Variants in PHACTR1 observed in about 807,000 individuals in gnomAD.
PHACTR1 encodes phosphatase and actin regulator 1.
In PHACTR1, 16 loss-of-function variants were observed where a neutral mutation model predicts 69.2. That is an observed-to-expected ratio of 0.23 (90% CI 0.16 to 0.35). PHACTR1 has a LOEUF of 0.35. Among genes scored for constraint, PHACTR1 ranks in the 10% least tolerant of loss-of-function variants. The pLI is 1.00. For synonymous variants in PHACTR1, 312 were observed against 284.5 expected (o/e 1.10, Z -0.97); for missense variants, 510 against 734.7 (o/e 0.69, Z 3.54).
At chr6:13,255,622 G>A (rs57618556) in intron 10 of PHACTR1, among the ~76,000 whole-genome samples, 2,203 of 152,298 alleles carry the variant, frequency 0.014, 45 homozygotes, top group African/African-American at 0.049. Context: ...TTCAAAAAGG[G>A]AGATATCAGC....
At chr6:12,945,211 C>G (rs1022751881) in intron 4 of PHACTR1, among the ~76,000 whole-genome samples, 1 of 152,128 alleles carries the variant, frequency 6.6e-6, no homozygotes, top group Non-Finnish European at 1.5e-5. Flanking sequence ...TTTTAGGTCC[C>G]CATATAAAAC....
At chr6:13,141,385 A>G (rs564922870) in intron 5 of PHACTR1, among the ~76,000 whole-genome samples, 3 of 152,366 alleles carry the variant, frequency 2.0e-5, no homozygotes, top group African/African-American at 7.2e-5. Context: ...GACTCAAACA[A>G]ATGAAAGAAA....
chr6:12,985,287 TC>T (rs1160733874), intron 4 of PHACTR1, among the ~76,000 whole-genome samples: 2 of 151,872 alleles, frequency 1.3e-5, no homozygotes, highest in African/African-American at 4.8e-5. Context: ...AAGCCTAAGG[TC>T]TTACTCCAAT....
intron 6 of PHACTR1, among the ~76,000 whole-genome samples, chr6:13,176,218 A>T (rs1424152091): frequency 6.6e-6 from 1 of 152,230 alleles, no homozygotes; most frequent in African/African-American, 2.4e-5. Context: ...GGGGAAAAAA[A>T]GTGAATGATC....
intron 4 of PHACTR1, among the ~76,000 whole-genome samples, chr6:12,945,608 G>A (rs912685001): frequency 9.9e-5 from 15 of 152,150 alleles, no homozygotes; most frequent in African/African-American, 3.4e-4. Context: ...TGGTGTTTAG[G>A]AAACACTGGG....
intron 4 of PHACTR1, among the ~76,000 whole-genome samples, chr6:12,965,314 T>C (rs966875373): frequency 6.6e-6 from 1 of 152,314 alleles, no homozygotes; most frequent in Admixed American, 6.5e-5. Flanking sequence ...AAATCAGTCC[T>C]TGTGGCGTTT....
At chr6:13,092,251 AC>A (rs1274852209) in intron 5 of PHACTR1, among the ~76,000 whole-genome samples, 3 of 152,212 alleles carry the variant, frequency 2.0e-5, no homozygotes, top group Non-Finnish European at 4.4e-5. Flanking sequence ...CTAACAGGCC[AC>A]AGACCAGTCC....
At chr6:12,820,256 A>G (rs1236817295) in intron 4 of PHACTR1, among the ~76,000 whole-genome samples, 1 of 151,772 alleles carries the variant, frequency 6.6e-6, no homozygotes, top group Non-Finnish European at 1.5e-5. Context: ...ATCTCGGTTC[A>G]CTGCACCCCC....
At chr6:12,741,098 T>TGAGAA (rs1337453410) in intron 3 of PHACTR1, among the ~76,000 whole-genome samples, 2 of 152,146 alleles carry the variant, frequency 1.3e-5, no homozygotes, top group East Asian at 3.9e-4. Flanking sequence ...ACATTATTGA[T>TGAGAA]TTGAAATATT....
chr6:13,160,397 C>A (rs1758817901), intron 6 of PHACTR1, 113 bp downstream of exon 6: 1 of 932,956 alleles, frequency 1.1e-6, no homozygotes. Flanking sequence ...AGGATTTGAA[C>A]CATTAAAACT....
At chr6:12,775,381 A>C (rs1185114266) in intron 4 of PHACTR1, among the ~76,000 whole-genome samples, 1 of 152,216 alleles carries the variant, frequency 6.6e-6, no homozygotes, top group African/African-American at 2.4e-5. Flanking sequence ...CTGTTGCCAC[A>C]TAGTTAACTA....
At chr6:13,224,396 G>A (rs1769227167) in intron 8 of PHACTR1, among the ~76,000 whole-genome samples, 1 of 152,234 alleles carries the variant, frequency 6.6e-6, no homozygotes, top group South Asian at 2.1e-4. Context: ...CATAGTTGCA[G>A]GTGATCAAGG....
At chr6:13,230,330 T>C (rs1275602179) in intron 10 of PHACTR1, 137 bp downstream of exon 10, 6 of 1,494,470 alleles carry the variant, frequency 4.0e-6, no homozygotes, top group Non-Finnish European at 5.4e-6. Flanking sequence ...GGCAGGTGGA[T>C]CACATGAGGT....
rs1484527838 is a variant in PHACTR1, at chr6:13,003,962, TATGTATATATATATATACAC to T, written c.251-49400_251-49381del. On this transcript the variant is annotated intron_variant, in intron 4 of 14. Transcript: ENST00000332995. ...GCTCAGTAGTATTCCTATATATATA[TATGTATATATATATATACAC>T]ATATATATATATCACATTTTCTTTA... is the stretch of plus-strand genomic sequence containing the variant. 1.4e-4 allele frequency among the ~76,000 whole-genome samples: 15 copies of T among 105,868 alleles called. 1 individual carries two copies. Among genetic ancestry groups the T allele is most frequent in the African/African-American group, 8.0e-4 (14 of 17,422 alleles). 69.5% of individuals were successfully genotyped at this position (105,868 alleles called of 152,430 possible).
At chr6:13,180,998 GAAAA>G (rs200807265) in intron 6 of PHACTR1, among the ~76,000 whole-genome samples, 2 of 148,964 alleles carry the variant, frequency 1.3e-5, no homozygotes, top group South Asian at 4.3e-4. Context: ...ATTAAAAAAA[GAAAA>G]AAAAACACAC....
intron 4 of PHACTR1, among the ~76,000 whole-genome samples, chr6:12,866,375 A>C (rs1781453522): frequency 6.6e-6 from 1 of 151,774 alleles, no homozygotes; most frequent in Admixed American, 6.6e-5. Flanking sequence ...GGCTATTTTA[A>C]CCTCTTCCTC....
rs984573374 is a variant in PHACTR1 at position 13,170,628 on chromosome 6, G to C, written c.496+10344G>C. Among the ~76,000 whole-genome samples the C allele has an allele frequency of 3.9e-5, 6 of 152,224 alleles. No individual in the cohort carries two copies. The East Asian group carries it at 1.2e-3, about 29-fold the overall frequency. ...TTTGCCCAAGACTTGTGTAAAGTTA[G>C]ACAAGTCAATGGGGCACGCCACCCA... On this transcript the variant is annotated intron_variant, in intron 6 of 14. Coordinates refer to ENST00000332995, the MANE Select transcript of PHACTR1 (RefSeq NM_030948.6).
chr6:12,751,632 G>A (rs1766629675), intron 4 of PHACTR1, among the ~76,000 whole-genome samples: 1 of 152,206 alleles, frequency 6.6e-6, no homozygotes, highest in Admixed American at 6.5e-5. Context: ...TTTGTCACCA[G>A]ATTAAACCTA....
intron 4 of PHACTR1, among the ~76,000 whole-genome samples, chr6:12,991,560 C>T (rs942817094): frequency 1.3e-5 from 2 of 152,084 alleles, no homozygotes; most frequent in Non-Finnish European, 2.9e-5. Flanking sequence ...TTTGTTCTTC[C>T]CTCACAAAGT....
Sources: gnomAD v4.1 joint callset for allele counts (sites outside exome capture counted in the v4.1 genomes callset) on GRCh38, gnomAD v4.1.1 for gene constraint, MANE v1.5 for transcripts, NCBI Gene and HGNC (gene_info 2026-07-23, HGNC 2026-07-21) for gene names.